TTC28: variants seen among roughly 807,000 people sequenced by gnomAD.
TTC28 encodes the protein tetratricopeptide repeat protein 28.
In TTC28, 61 loss-of-function variants were observed where a neutral mutation model predicts 198.0. That is an observed-to-expected ratio of 0.31 (90% CI 0.25 to 0.38). The LOEUF (loss-of-function observed/expected upper bound fraction) is 0.38. Ranked by LOEUF, TTC28 falls within the 10% of genes least tolerant of loss-of-function variation. The pLI, the probability that TTC28 is intolerant of heterozygous loss-of-function variation, is 1.00. For synonymous variants in TTC28, 1,171 were observed against 1,297.8 expected (o/e 0.90, Z 2.10); for missense variants, 2,678 against 3,164.0 (o/e 0.85, Z 3.69).
intron 12 of TTC28, among the ~76,000 whole-genome samples, chr22:28,089,405 A>G (rs1048367565): frequency 2.0e-5 from 3 of 151,776 alleles, no homozygotes; most frequent in East Asian, 3.9e-4. Flanking sequence ...TCAGTAAACT[A>G]TCGCAAGAAC....
At chr22:28,536,086 T>A (rs559710756) in intron 2 of TTC28, among the ~76,000 whole-genome samples, 1 of 147,648 alleles carries the variant, frequency 6.8e-6, no homozygotes, top group East Asian at 2.0e-4. Flanking sequence ...TAGTCCCAGC[T>A]ACTAGGAGAG....
chr22:28,262,801 C>T (rs1050466394), intron 5 of TTC28, among the ~76,000 whole-genome samples: 25 of 152,082 alleles, frequency 1.6e-4, no homozygotes, highest in African/African-American at 5.8e-4. Context: ...AAATGGAGAA[C>T]TAGGGCTTTC....
chr22:28,333,935 TG>T (rs1475940719), intron 2 of TTC28, among the ~76,000 whole-genome samples: 1 of 152,132 alleles, frequency 6.6e-6, no homozygotes, highest in Non-Finnish European at 1.5e-5. Context: ...TGTGCCATGC[TG>T]GTGTGCTGTA....
intron 6 of TTC28, among the ~76,000 whole-genome samples, chr22:28,146,306 G>A (rs1414548203): frequency 6.6e-6 from 1 of 152,226 alleles, no homozygotes; most frequent in Non-Finnish European, 1.5e-5. Context: ...CCACAGGGGA[G>A]AACGATCATG....
At chr22:28,536,342 C>T (rs1253675973) in intron 2 of TTC28, among the ~76,000 whole-genome samples, 4 of 150,904 alleles carry the variant, frequency 2.7e-5, no homozygotes, top group South Asian at 2.1e-4. Context: ...TACTTAGAGG[C>T]GGCCGGGCGC....
chr22:28,513,222 C>G (rs1253753653), intron 2 of TTC28, among the ~76,000 whole-genome samples: 4 of 152,032 alleles, frequency 2.6e-5, no homozygotes, highest in Admixed American at 1.3e-4. Flanking sequence ...AATGAACAGT[C>G]TGGAAGATAT....
intron 1 of TTC28, among the ~76,000 whole-genome samples, chr22:28,651,575 C>T (rs763274637): frequency 6.6e-6 from 1 of 151,830 alleles, no homozygotes; most frequent in African/African-American, 2.4e-5. Context: ...GCCACCACAC[C>T]TGGCTAATTT....
At chr22:28,496,236 T>C (rs1159853387) in intron 2 of TTC28, among the ~76,000 whole-genome samples, 1 of 152,154 alleles carries the variant, frequency 6.6e-6, no homozygotes, top group Non-Finnish European at 1.5e-5. Flanking sequence ...ATTCACTTTA[T>C]ATGAATCTAT....
At chr22:28,172,844 TG>T (rs1922814585) in intron 5 of TTC28, among the ~76,000 whole-genome samples, 1 of 152,250 alleles carries the variant, frequency 6.6e-6, no homozygotes. Context: ...TCAGAGGCCC[TG>T]GCTATGTAAC....
chr22:28,218,312 T>C (rs1034760360), intron 5 of TTC28, among the ~76,000 whole-genome samples: 9 of 152,184 alleles, frequency 5.9e-5, no homozygotes, highest in African/African-American at 1.7e-4. Flanking sequence ...AATTTCATTA[T>C]ACAATATCAA....
intron 2 of TTC28, among the ~76,000 whole-genome samples, chr22:28,519,921 AAACAC>A (rs2048867677): frequency 2.0e-5 from 3 of 152,268 alleles, no homozygotes; most frequent in African/African-American, 7.2e-5. Flanking sequence ...AGTTAAAGCA[AAACAC>A]AACACAATTT....
chr22:27,984,137 A>T (rs560972152), intron 22 of TTC28, among the ~76,000 whole-genome samples: 1 of 152,180 alleles, frequency 6.6e-6, no homozygotes, highest in Non-Finnish European at 1.5e-5. Context: ...GGTAAGCAGC[A>T]TGACCCTGTA....
chr22:28,552,620 A>C (rs1294557847), intron 2 of TTC28, among the ~76,000 whole-genome samples: 2 of 152,146 alleles, frequency 1.3e-5, no homozygotes, highest in African/African-American at 2.4e-5. Context: ...CAAAAACATA[A>C]AGTGGGGAAA....
At chr22:28,679,211 G>A (rs1165453378) in intron 1 of TTC28, among the ~76,000 whole-genome samples, 1 of 152,210 alleles carries the variant, frequency 6.6e-6, no homozygotes, top group Admixed American at 6.5e-5. Flanking sequence ...CGGAAAGGTA[G>A]CACCTGAGCA....
chr22:28,670,008 T>C (rs963264555), intron 1 of TTC28, among the ~76,000 whole-genome samples: 1 of 151,948 alleles, frequency 6.6e-6, no homozygotes, highest in Non-Finnish European at 1.5e-5. Flanking sequence ...TCTATCAGTA[T>C]TGAACTTAGT....
At chr22:28,602,513 G>A (rs139564515) in intron 2 of TTC28, among the ~76,000 whole-genome samples, 23 of 152,200 alleles carry the variant, frequency 1.5e-4, no homozygotes, top group African/African-American at 4.6e-4. Flanking sequence ...TGCACATCAT[G>A]TCTGCAACTT....
rs1228376481 is a variant in TTC28 at position 28,183,704 on chromosome 22, T to C, written c.934-20105A>G. Among the ~76,000 whole-genome samples, 8 of 152,180 alleles carry C rather than the reference T, an allele frequency of 5.3e-5. No individual in the cohort carries two copies. The East Asian group carries it at 1.5e-3, about 29-fold the overall frequency. On this transcript the variant is annotated intron_variant, in intron 5 of 22. Transcript: ENST00000397906. ...GGCAGCCATCCAAGACCAGCTTTATTAGACTCCTGAAATTATAATGATACT... is the reference window on the plus strand; with the variant it reads ...GGCAGCCATCCAAGACCAGCTTTATCAGACTCCTGAAATTATAATGATACT...
chr22:28,541,826 C>T (rs188207114), intron 2 of TTC28, among the ~76,000 whole-genome samples: 95 of 152,040 alleles, frequency 6.2e-4, no homozygotes, highest in Non-Finnish European at 1.3e-3. Flanking sequence ...CATTGGCTCA[C>T]GCCTGTAATC....
At chr22:28,202,674 G>A (rs1019156912) in intron 5 of TTC28, among the ~76,000 whole-genome samples, 17 of 152,092 alleles carry the variant, frequency 1.1e-4, no homozygotes, top group Non-Finnish European at 2.9e-5. Flanking sequence ...TTTTACAGCT[G>A]GCCTAGAGAG....
Sources: gnomAD v4.1 joint callset for allele counts (sites outside exome capture counted in the v4.1 genomes callset) on GRCh38, gnomAD v4.1.1 for gene constraint, MANE v1.5 for transcripts, NCBI Gene and HGNC (gene_info 2026-07-23, HGNC 2026-07-21) for gene names.